The following CORO6 variants were observed in gnomAD, a reference collection of about 807,000 sequenced individuals.
CORO6 encodes the protein coronin 6, also known as coronin-6.
Under a neutral mutation model 49.0 loss-of-function variants are expected in CORO6, and 43 were observed. That is an observed-to-expected ratio of 0.88 (90% CI 0.69 to 1.13). The LOEUF (loss-of-function observed/expected upper bound fraction) is 1.13. Among genes scored for constraint, CORO6 ranks in the 50% most tolerant of loss-of-function variants. The probability of loss-of-function intolerance (pLI) is 0.00; values close to 1 mark genes in which losing one functional copy is unlikely to be tolerated. For missense variants in CORO6, 650 were observed against 647.0 expected (o/e 1.00, Z -0.05); for synonymous variants, 233 against 256.5 (o/e 0.91, Z 0.88).
Position 29,617,523 on chromosome 17 carries a change from G to T in CORO6, c.730C>A (p.Arg244=), listed in dbSNP as rs779382095. 1.2e-6 allele frequency: 2 copies of T among 1,610,646 alleles called. No individual in the cohort carries two copies. The highest frequency in any genetic ancestry group is 1.7e-6 in the Non-Finnish European group (2 of 1,179,748). The change falls in exon 6 of 11, where the codon CGA becomes AGA. Residue 244 remains arginine, a synonymous_variant. Coordinates refer to ENST00000388767, the MANE Select transcript of CORO6 (RefSeq NM_032854.4). ...FTTGFTRMSQ[R]ELGLWDPNNF... ...ACCGGGTCCCACAGGCCCAGCTCTC[G>T]CTGGCTCATGCGGGTGAAGCCCGTG...
rs963287591 is a variant in CORO6 at position 29,615,885 on chromosome 17, C to G, written c.1294-28G>C. ...GGGGCGGAGGACAGAGAGGCCGTGTCGTATAGGGGCGGTTGGGGGAGATGT... is the reference window on the plus strand; with the variant it reads ...GGGGCGGAGGACAGAGAGGCCGTGTGGTATAGGGGCGGTTGGGGGAGATGT... On this transcript the variant is annotated intron_variant, in intron 10 of 10. Coordinates refer to ENST00000388767, the MANE Select transcript of CORO6 (RefSeq NM_032854.4). The G allele has an allele frequency of 2.5e-6, 4 of 1,591,934 alleles. No individual in the cohort carries two copies. The Admixed American group carries it at 6.9e-5, about 28-fold the overall frequency.
At chr17:29,619,582 C>G (rs893512419) in intron 3 of CORO6, 69 bp downstream of exon 3, 24 of 1,520,252 alleles carry the variant, frequency 1.6e-5, no homozygotes, top group Non-Finnish European at 2.0e-5. Context: ...AGCACCTTCC[C>G]CAGCACAGGT....
In CORO6 at chr17:29,622,713, C is replaced by T. The variant is rs751245002; in HGVS notation, c.-89G>A. 2.4e-5 allele frequency: 31 copies of T among 1,289,378 alleles called. No individual in the cohort carries two copies. The highest frequency in any genetic ancestry group is 1.5e-4 in the African/African-American group (10 of 64,832). The allele number at this position is 1,289,378 out of a possible 1,614,324, so 79.9% of individuals were successfully genotyped here. On this transcript the variant is annotated 5_prime_UTR_variant, in exon 1 of 11. Coordinates refer to ENST00000388767, the MANE Select transcript of CORO6 (RefSeq NM_032854.4). ...CTGGTCCTGAGCGGGCTGCGGGGCGCTCACGCTGCGAATCCTCTGCGGAAG... is the reference window on the plus strand; with the variant it reads ...CTGGTCCTGAGCGGGCTGCGGGGCGTTCACGCTGCGAATCCTCTGCGGAAG...
At position 29,615,738 on chromosome 17, in the gene CORO6, C is replaced by A; in HGVS notation, c.1413G>T (p.Thr471=). 1 of 1,543,994 alleles carries A rather than the reference C, an allele frequency of 6.5e-7. No homozygotes were observed. The highest frequency in any genetic ancestry group is 8.7e-7 in the Non-Finnish European group (1 of 1,145,304). ...GCCTGCCTGGCGCGCGGGGCTAGTC[C>A]GTGCCGTCCACCAGCTCGCACAGCA... ...ENMLCELVDG[T]D is the part of the protein sequence containing the mutation. The change falls in exon 11 of 11, where the codon ACG becomes ACT. Residue 471 remains threonine, a synonymous_variant. Coordinates refer to ENST00000388767, the MANE Select transcript of CORO6 (RefSeq NM_032854.4).
Position 29,615,768 on chromosome 17 carries a change from C to T in CORO6, c.1383G>A (p.Glu461=), listed in dbSNP as rs749955218. ...CGTCCACCAGCTCGCACAGCATGTT[C>T]TCCAGAGCCGTGATGCGCTGCTCCT... ...QAQEQRITAL[E]NMLCELVDGT... Residue 461 remains glutamate, a synonymous_variant, in exon 11 of 11, where the codon GAG becomes GAA. Coordinates refer to ENST00000388767, the MANE Select transcript of CORO6 (RefSeq NM_032854.4). 20 of 1,552,708 alleles carry T rather than the reference C, an allele frequency of 1.3e-5. No individual in the cohort carries two copies. The highest frequency in any genetic ancestry group is 1.2e-4 in the Admixed American group (6 of 51,284).
In CORO6 at chr17:29,617,512, GC is replaced by G; in HGVS notation, c.740del (p.Gly247AlafsTer60). On this transcript the variant is annotated frameshift_variant, in exon 6 of 11. Transcript: ENST00000388767. LOFTEE classifies it high-confidence loss of function. ...CCAGCTGCGTTACCGGGTCCCACAG[GC>G]CCAGCTCTCGCTGGCTCATGCGGGT... ...GFTRMSQREL[G>X]LWDPNNFEEP... 6.2e-7 allele frequency: 1 copy of G among 1,609,770 alleles called. No homozygotes were observed.
chr17:29,621,160 C>G lies in CORO6; in HGVS notation c.198+64G>C. The G allele has an allele frequency of 6.3e-7, 1 of 1,594,680 alleles. No individual in the cohort carries two copies. The highest frequency in any genetic ancestry group is 8.6e-7 in the Non-Finnish European group (1 of 1,167,660). ...GAATGGAACTAGGTGAGAACAAAGG[C>G]TCAGGAGTTCCCAGGGGCCCCAGCT... On this transcript the variant is annotated intron_variant, in intron 2 of 10. Coordinates refer to ENST00000388767, the MANE Select transcript of CORO6 (RefSeq NM_032854.4). The surrounding 1 kb of genome is among the most constrained non-coding windows in gnomAD (Gnocchi z 4.2).
rs201898206 is a variant in CORO6, at chr17:29,616,964, A to C, written c.832T>G (p.Ser278Ala). Residue 278 changes from serine (S) to alanine (A), a missense_variant, in exon 7 of 11, where the codon TCC becomes GCC. Coordinates refer to ENST00000388767, the MANE Select transcript of CORO6 (RefSeq NM_032854.4). The surrounding 1 kb of genome is among the most constrained non-coding windows in gnomAD (Gnocchi z 5.6). ...TTGCCACACAGGTAGACGATGCTGGAGTCGGGATCGTAAAAGGGCAATAGG... is the reference window on the plus strand; with the variant it reads ...TTGCCACACAGGTAGACGATGCTGGCGTCGGGATCGTAAAAGGGCAATAGG... ...GVLLPFYDPD[S>A]SIVYLCGKGD... is the part of the protein sequence containing the mutation. 5.5e-5 allele frequency: 89 copies of C among 1,613,770 alleles called. No homozygotes were observed. The highest frequency in any genetic ancestry group is 6.9e-5 in the Non-Finnish European group (82 of 1,179,996).
chr17:29,616,356 AG>A lies in CORO6; in HGVS notation c.1005-21del. On this transcript the variant is annotated intron_variant, in intron 8 of 10. Transcript: ENST00000388767. This position sits in a 1 kb window ranked among gnomAD's most constrained non-coding sequence, Gnocchi z 5.6. ...TAGAACCTATAAGGGAGCAGGGTTCAGCACCCTCGCAGACTTCCACGTCCTT... is the reference window on the plus strand; with the variant it reads ...TAGAACCTATAAGGGAGCAGGGTTCACACCCTCGCAGACTTCCACGTCCTT... The A allele has an allele frequency of 1.9e-6, 3 of 1,589,692 alleles. No homozygotes were observed. Among genetic ancestry groups the A allele is most frequent in the Admixed American group, 3.5e-5 (2 of 56,762 alleles).
In CORO6 at chr17:29,622,815, A is replaced by C. The variant is rs2035378433; in HGVS notation, c.-191T>G. 7.6e-7 allele frequency: 1 copy of C among 1,310,038 alleles called. No individual in the cohort carries two copies. The highest frequency in any genetic ancestry group is 1.0e-6 in the Non-Finnish European group (1 of 993,856). 81.2% of individuals were successfully genotyped at this position (1,310,038 alleles called of 1,614,324 possible). The stretch of plus-strand genomic sequence containing the variant: ...TCTCCGGGTGTCTGTAGTATCTGGG[A>C]CCCGGGTGTCCAGCTCCGCACTCTG... On this transcript the variant is annotated 5_prime_UTR_variant, in exon 1 of 11. Transcript: ENST00000388767.
rs902782339 is a variant in CORO6, at chr17:29,615,561, G to A, written c.*171C>T. On this transcript the variant is annotated 3_prime_UTR_variant, in exon 11 of 11. Transcript: ENST00000388767. The stretch of plus-strand genomic sequence containing the variant: ...AGTCCAGCCTCCGCTGGAGCGACGT[G>A]GGTCTCCCCTAAGCTCCAAGAGTTC... 11 of 671,810 alleles carry A rather than the reference G, an allele frequency of 1.6e-5. No homozygotes were observed. Among genetic ancestry groups the A allele is most frequent in the Non-Finnish European group, 2.6e-5 (11 of 427,926 alleles). 41.6% of individuals were successfully genotyped at this position (671,810 alleles called of 1,614,324 possible).
At position 29,616,862 on chromosome 17, in the gene CORO6, G is replaced by A. The variant is rs1489206231; in HGVS notation, c.859-15C>T. 1.9e-6 allele frequency: 3 copies of A among 1,611,430 alleles called. No individual in the cohort carries two copies. Among genetic ancestry groups the A allele is most frequent in the Admixed American group, 1.7e-5 (1 of 59,958 alleles). ...CTGCTGTCGCCCTGCAAAATCAGTCGGTTCAGGGGCGCGCCCGGACAAGGC... is the reference window on the plus strand; with the variant it reads ...CTGCTGTCGCCCTGCAAAATCAGTCAGTTCAGGGGCGCGCCCGGACAAGGC... On this transcript the variant is annotated splice_polypyrimidine_tract_variant and intron_variant, in intron 7 of 10. Coordinates refer to ENST00000388767, the MANE Select transcript of CORO6 (RefSeq NM_032854.4). The surrounding 1 kb of genome is among the most constrained non-coding windows in gnomAD (Gnocchi z 5.6).
intron 3 of CORO6, 96 bp from the exon 4 acceptor site, chr17:29,619,285 T>G: frequency 1.4e-6 from 2 of 1,452,432 alleles, no homozygotes; most frequent in Non-Finnish European, 9.4e-7. Context: ...ACTGGCTCTC[T>G]TGAGTGGTAA....
In CORO6 at chr17:29,614,894, G is replaced by C. The variant is rs1169113136; in HGVS notation, c.*838C>G. On this transcript the variant is annotated 3_prime_UTR_variant, in exon 11 of 11. Transcript: ENST00000388767. ...CCCTGAGCCCAGGAGTGCATCGCCA[G>C]GTCTCCCAGGAGCCTGGGGGTAGCA... 6.6e-6 allele frequency: 1 copy of C among 152,242 alleles called. No homozygotes were observed. The highest frequency in any genetic ancestry group is 6.5e-5 in the Admixed American group (1 of 15,288). The allele number at this position is 152,242 out of a possible 1,614,324, so 9.4% of individuals were successfully genotyped here. A position where few individuals can be genotyped will look rare whatever the true frequency, so the allele number is the denominator to read the frequency against.
In CORO6 at chr17:29,615,777, C is replaced by T; in HGVS notation, c.1374G>A (p.Thr458=). 7.7e-6 allele frequency: 12 copies of T among 1,555,998 alleles called. No homozygotes were observed. Among genetic ancestry groups the T allele is most frequent in the Non-Finnish European group, 1.0e-5 (12 of 1,150,688 alleles). The change falls in exon 11 of 11, where the codon ACG becomes ACA. Residue 458 remains threonine, a synonymous_variant. Coordinates refer to ENST00000388767, the MANE Select transcript of CORO6 (RefSeq NM_032854.4). ...ERVQAQEQRI[T]ALENMLCELV... is the part of the protein sequence containing the mutation. ...GCTCGCACAGCATGTTCTCCAGAGC[C>T]GTGATGCGCTGCTCCTGGGCCTGCA...
At position 29,615,788 on chromosome 17, in the gene CORO6, G is replaced by A. The variant is rs2034835597; in HGVS notation, c.1363C>T (p.Gln455Ter). ...ATGTTCTCCAGAGCCGTGATGCGCT[G>A]CTCCTGGGCCTGCACCCGCTCGCGG... ...ALRERVQAQE[Q>*]RITALENMLC... Residue 455 changes from glutamine (Q) to a stop codon, truncating the protein, a stop_gained, in exon 11 of 11, where the codon CAG becomes TAG. Coordinates refer to ENST00000388767, the MANE Select transcript of CORO6 (RefSeq NM_032854.4). LOFTEE classifies it high-confidence loss of function. 1 of 1,561,316 alleles carries A rather than the reference G, an allele frequency of 6.4e-7. No individual in the cohort carries two copies. Among genetic ancestry groups the A allele is most frequent in the Non-Finnish European group, 8.7e-7 (1 of 1,153,590 alleles).
rs764921678 is a variant in CORO6 at position 29,619,036 on chromosome 17, G to A, written c.451+24C>T. On this transcript the variant is annotated intron_variant, in intron 4 of 10. Transcript: ENST00000388767. ...TTTGCCACCACCCACCCATCTATGG[G>A]GGACCCCTCCTTAGCCCCCAGACCT... 5.6e-6 allele frequency: 9 copies of A among 1,611,992 alleles called. No individual in the cohort carries two copies. The African/African-American group carries it at 1.2e-4, about 22-fold the overall frequency.
At position 29,615,732 on chromosome 17, in the gene CORO6, C is replaced by A; in HGVS notation, c.1419G>T (p.Ter473TyrextTer54). 6.5e-7 allele frequency: 1 copy of A among 1,538,332 alleles called. No homozygotes were observed. Among genetic ancestry groups the A allele is most frequent in the South Asian group, 1.2e-5 (1 of 82,674 alleles). The change falls in exon 11 of 11, where the codon TAG becomes TAT. Residue 473 changes from the stop codon to tyrosine, a stop_lost. Transcript: ENST00000388767. ...MLCELVDGTD[*>Y] ...CGCTCCGCCTGCCTGGCGCGCGGGG[C>A]TAGTCCGTGCCGTCCACCAGCTCGC...
intron 5 of CORO6, 141 bp downstream of exon 5, chr17:29,618,649 G>C (rs990331153): frequency 1.4e-6 from 2 of 1,429,298 alleles, no homozygotes; most frequent in East Asian, 2.5e-5. Context: ...TTGCAGAGAC[G>C]GGGGAAGGGG....
Sources: allele counts gnomAD v4.1 joint callset, GRCh38; gene constraint gnomAD v4.1.1; non-coding constraint Gnocchi (gnomAD v3.1); transcripts MANE v1.5; gene names NCBI Gene and HGNC (gene_info 2026-07-23, HGNC 2026-07-21).